PTPRQ: variants seen among roughly 807,000 people sequenced by gnomAD.
PTPRQ encodes the protein phosphatidylinositol phosphatase PTPRQ.
A neutral mutation model predicts 246.0 loss-of-function variants in PTPRQ; 199 were observed. The ratio of observed to expected loss-of-function variants is 0.81; its 90% CI spans 0.72 to 0.91. The LOEUF (loss-of-function observed/expected upper bound fraction) is 0.91. Ranked by LOEUF, PTPRQ falls within the 40% of genes least tolerant of loss-of-function variation. The pLI, the probability that PTPRQ is intolerant of heterozygous loss-of-function variation, is 0.00. For missense variants in PTPRQ, 2,624 were observed against 2,528.4 expected (o/e 1.04, Z -0.81); for synonymous variants, 869 against 853.2 (o/e 1.02, Z -0.32).
intron 35 of PTPRQ, among the ~76,000 whole-genome samples, chr12:80,637,374 T>C (rs1404522725): frequency 6.6e-6 from 1 of 152,264 alleles, no homozygotes; most frequent in East Asian, 1.9e-4. Flanking sequence ...ATTTACATAT[T>C]GCATTATTTG....
intron 39 of PTPRQ, among the ~76,000 whole-genome samples, chr12:80,659,771 T>A (rs1253435950): frequency 6.6e-6 from 1 of 152,080 alleles, no homozygotes; most frequent in Non-Finnish European, 1.5e-5. Flanking sequence ...TGTAATATAA[T>A]AAATCTTACA....
At chr12:80,596,262 A>G (rs1331187570) in intron 26 of PTPRQ, among the ~76,000 whole-genome samples, 4 of 152,036 alleles carry the variant, frequency 2.6e-5, no homozygotes, top group African/African-American at 4.8e-5. Flanking sequence ...GTATTCAACT[A>G]TATATTTAAT....
At chr12:80,576,152 C>G (rs1375471377) in intron 25 of PTPRQ, among the ~76,000 whole-genome samples, 1 of 149,748 alleles carries the variant, frequency 6.7e-6, no homozygotes, top group Non-Finnish European at 1.5e-5. Flanking sequence ...GTTTTTTTTT[C>G]TTTTTGAGAC....
Position 80,652,818 on chromosome 12 carries a change from C to T in PTPRQ, c.6099C>T (p.Phe2033=), listed in dbSNP as rs576179377. Residue 2033 remains phenylalanine, a synonymous_variant, in exon 38 of 45, where the codon TTC becomes TTT. Transcript: ENST00000644991. ...CTTGGAATAGAGCAAAAAACCGCTT[C>T]CCAAACATAAAACCATGTATGTGCA... ...DLPWNRAKNR[F]PNIKPYNNNR... is the part of the protein sequence containing the mutation. The T allele has an allele frequency of 9.3e-6, 14 of 1,505,672 alleles. No individual in the cohort carries two copies. In the East Asian group the frequency reaches 3.4e-4, roughly 36 times the overall value. 93.3% of individuals were successfully genotyped at this position (1,505,672 alleles called of 1,614,324 possible). A position where few individuals can be genotyped will look rare whatever the true frequency, so the allele number is the denominator to read the frequency against.
intron 9 of PTPRQ, among the ~76,000 whole-genome samples, chr12:80,487,563 G>A (rs1160709043): frequency 6.6e-6 from 1 of 152,068 alleles, no homozygotes; most frequent in Non-Finnish European, 1.5e-5. Flanking sequence ...TATGTCTGAT[G>A]TTTGTCTTTT....
intron 8 of PTPRQ, among the ~76,000 whole-genome samples, chr12:80,480,690 A>G (rs1336983050): frequency 6.6e-6 from 1 of 152,180 alleles, no homozygotes; most frequent in Non-Finnish European, 1.5e-5. Context: ...GATAAAGGGG[A>G]TATCACCACC....
chr12:80,673,411 TC>T (rs1323811414), intron 43 of PTPRQ, 107 bp downstream of exon 43: 2 of 1,446,678 alleles, frequency 1.4e-6, no homozygotes, highest in African/African-American at 1.5e-5. Context: ...GTGGACACCT[TC>T]TTTTCCTACA....
chr12:80,633,588 G>A (rs73351558), intron 34 of PTPRQ, among the ~76,000 whole-genome samples: 12,151 of 152,200 alleles, frequency 0.08, 1,212 homozygotes, highest in African/African-American at 0.23. Context: ...ACTGAAGAAT[G>A]TAGTTCTGTA....
intron 23 of PTPRQ, among the ~76,000 whole-genome samples, chr12:80,545,619 G>T (rs759588730): frequency 1.3e-5 from 2 of 151,460 alleles, no homozygotes; most frequent in African/African-American, 4.8e-5. Flanking sequence ...TCCTCCTTGG[G>T]CAACTATGAT....
chr12:80,599,646 G>GA (rs141341633), intron 26 of PTPRQ, among the ~76,000 whole-genome samples: 8,485 of 151,496 alleles, frequency 0.056, 727 homozygotes, highest in African/African-American at 0.18. Flanking sequence ...TATGTTTTGG[G>GA]ATTTTGTTAA....
chr12:80,616,309 T>C, intron 30 of PTPRQ, 43 bp downstream of exon 30: 1 of 1,429,266 alleles, frequency 7.0e-7, no homozygotes, highest in African/African-American at 1.5e-5. Flanking sequence ...TATTAATCAG[T>C]GATTATAATT....
chr12:80,653,023 T>G (rs2121233376), intron 38 of PTPRQ, among the ~76,000 whole-genome samples, 189 bp downstream of exon 38: 1 of 152,244 alleles, frequency 6.6e-6, no homozygotes, highest in African/African-American at 2.4e-5. Context: ...GTATACGTGG[T>G]TTTCAGTTTG....
intron 39 of PTPRQ, among the ~76,000 whole-genome samples, chr12:80,658,307 T>C (rs1308264458): frequency 6.6e-6 from 1 of 152,086 alleles, no homozygotes; most frequent in African/African-American, 2.4e-5. Context: ...AGGCTACACA[T>C]CCCTGATCTT....
intron 4 of PTPRQ, among the ~76,000 whole-genome samples, chr12:80,457,904 AT>A (rs749045099): frequency 3.4e-4 from 52 of 152,188 alleles, no homozygotes; most frequent in Non-Finnish European, 6.2e-4. Context: ...CCATAGACTT[AT>A]CATATAAAAA....
Position 80,534,930 on chromosome 12 carries a change from C to T in PTPRQ, c.2878C>T (p.Leu960Phe), listed in dbSNP as rs1895943605. 1 of 1,549,788 alleles carries T rather than the reference C, an allele frequency of 6.5e-7. No homozygotes were observed. Among genetic ancestry groups the T allele is most frequent in the African/African-American group, 1.4e-5 (1 of 72,942 alleles). Residue 960 changes from leucine to phenylalanine, a missense_variant, in exon 19 of 45, where the codon CTC (leucine) becomes TTC (phenylalanine). Physicochemically the swap from Leu to Phe is conservative, Grantham distance 22. Coordinates refer to ENST00000644991, the MANE Select transcript of PTPRQ (RefSeq NM_001145026.2). ...TCCCAAAGATGTTTATTATGCAAAC[C>T]TCAGTTCTTCATCAATAATTCTTTT... ...DPPKDVYYAN[L>F]SSSSIILFWT...
In PTPRQ at chr12:80,588,598, A is replaced by G; in HGVS notation, c.4609+146A>G. On this transcript the variant is annotated intron_variant, in intron 26 of 44. Transcript: ENST00000644991. ...CACTACCATATATAACGACATATTT[A>G]GTTTTAATTTAGTTGAAACCCAATG... The G allele has an allele frequency of 4.1e-6, 4 of 986,438 alleles. No individual in the cohort carries two copies. In the East Asian group the frequency reaches 1.3e-4, roughly 31 times the overall value. The allele number at this position is 986,438 out of a possible 1,614,324, so 61.1% of individuals were successfully genotyped here.
At chr12:80,674,455 T>G (rs1488899649) in intron 43 of PTPRQ, among the ~76,000 whole-genome samples, 1 of 152,138 alleles carries the variant, frequency 6.6e-6, no homozygotes, top group Non-Finnish European at 1.5e-5. Flanking sequence ...CTTCAACCCT[T>G]TTTGATTCAA....
chr12:80,518,887 G>A lies in PTPRQ; in HGVS notation c.2678+8444G>A, dbSNP rs536512793. Among the ~76,000 whole-genome samples, 3 of 152,220 alleles carry A rather than the reference G, an allele frequency of 2.0e-5. No homozygotes were observed. The East Asian group carries it at 5.8e-4, about 29-fold the overall frequency. ...CTATTTTGGTTACTATAACTCTGTA[G>A]TATAATTTGAAGTCAGATAATGCGA... On this transcript the variant is annotated intron_variant, in intron 17 of 44. Transcript: ENST00000644991.
chr12:80,525,071 T>C (rs1895640714), intron 17 of PTPRQ, among the ~76,000 whole-genome samples: 1 of 152,204 alleles, frequency 6.6e-6, no homozygotes, highest in African/African-American at 2.4e-5. Context: ...TGTTCATTGG[T>C]GGACTGTATC....
Sources: allele counts gnomAD v4.1 joint callset (sites outside exome capture counted in the v4.1 genomes callset), GRCh38; gene constraint gnomAD v4.1.1; transcripts MANE v1.5; gene names NCBI Gene and HGNC (gene_info 2026-07-23, HGNC 2026-07-21).